Variants in ABLIM1 observed in about 807,000 individuals in gnomAD.
ABLIM1 encodes actin binding LIM protein 1.
A neutral mutation model predicts 107.0 loss-of-function variants in ABLIM1; 40 were observed. That is an observed-to-expected ratio of 0.37 (90% CI 0.29 to 0.49). ABLIM1 has a LOEUF of 0.49. Ranked by LOEUF, ABLIM1 falls within the 20% of genes least tolerant of loss-of-function variation. ABLIM1 has a pLI of 0.97. For synonymous variants in ABLIM1, 357 were observed against 357.3 expected, an observed-to-expected ratio of 1.00 and a Z score of 0.01; for missense variants, 857 against 1,008.5, an observed-to-expected ratio of 0.85 and a Z score of 2.04.
chr10:114,634,346 A>T (rs918439202), intron 1 of ABLIM1, among the ~76,000 whole-genome samples: 10 of 150,234 alleles, frequency 6.7e-5, no homozygotes, highest in Admixed American at 6.0e-4. Flanking sequence ...GTTAGCCAGG[A>T]TGGTCTCGAT....
chr10:114,622,642 TAGAC>T (rs1234992984), intron 1 of ABLIM1, among the ~76,000 whole-genome samples: 1 of 152,010 alleles, frequency 6.6e-6, no homozygotes, highest in Non-Finnish European at 1.5e-5. Context: ...TACTAGAACA[TAGAC>T]AGAATGCAGT....
intron 5 of ABLIM1, among the ~76,000 whole-genome samples, chr10:114,547,194 A>G (rs1440829219): frequency 2.0e-5 from 3 of 150,534 alleles, no homozygotes; most frequent in South Asian, 2.1e-4. Context: ...AACTGTAGCT[A>G]TTATCCACTA....
chr10:114,605,579 T>C (rs1320035123), intron 1 of ABLIM1, among the ~76,000 whole-genome samples: 1 of 152,216 alleles, frequency 6.6e-6, no homozygotes, highest in Non-Finnish European at 1.5e-5. Context: ...GTCAATGATT[T>C]ACCCTGGAAC....
intron 6 of ABLIM1, among the ~76,000 whole-genome samples, chr10:114,513,981 G>A (rs1220201415): frequency 6.6e-6 from 1 of 152,096 alleles, no homozygotes; most frequent in Admixed American, 6.6e-5. Flanking sequence ...TATACTCAAG[G>A]AATAACTGCA....
upstream of ABLIM1, among the ~76,000 whole-genome samples, chr10:114,772,108 A>G (rs2083031565): frequency 6.6e-6 from 1 of 152,102 alleles, no homozygotes; most frequent in South Asian, 2.1e-4. Context: ...GTTTTTAATC[A>G]AATACCTTTA....
At chr10:114,500,985 T>C (rs1032327593) in intron 6 of ABLIM1, among the ~76,000 whole-genome samples, 2 of 152,222 alleles carry the variant, frequency 1.3e-5, no homozygotes, top group Non-Finnish European at 2.9e-5. Flanking sequence ...GAAGGTGTTC[T>C]AGAAGTGTCC....
At chr10:114,476,646 A>AAATAAT (rs141618382) in intron 8 of ABLIM1, among the ~76,000 whole-genome samples, 5,751 of 143,216 alleles carry the variant, frequency 0.04, 353 homozygotes, top group African/African-American at 0.13. Flanking sequence ...CTCTGCCTCA[A>AAATAAT]AATAATAATA....
chr10:114,632,863 C>T (rs774066968), intron 1 of ABLIM1: 22 of 878,562 alleles, frequency 2.5e-5, no homozygotes, highest in Middle Eastern at 1.2e-3. Context: ...CCAGGATCAG[C>T]CTAAGCCTGA....
chr10:114,788,640 A>T, the ABLIM1 span, among the ~76,000 whole-genome samples: 1 of 152,184 alleles, frequency 6.6e-6, no homozygotes, highest in Admixed American at 6.5e-5. Context: ...AGGCAGGAGA[A>T]TCGCTAGAAC....
At chr10:114,481,857 C>CAACAA (rs2057428224) in intron 8 of ABLIM1, among the ~76,000 whole-genome samples, 1 of 152,180 alleles carries the variant, frequency 6.6e-6, no homozygotes, top group Admixed American at 6.5e-5. Context: ...AAACAAAAAT[C>CAACAA]AAACACCACT....
chr10:114,465,766 G>T lies in ABLIM1; in HGVS notation c.1373C>A (p.Ser458Tyr), dbSNP rs2065021109. 6.2e-7 allele frequency: 1 copy of T among 1,613,940 alleles called. No individual in the cohort carries two copies. Among genetic ancestry groups the T allele is most frequent in the South Asian group, 1.1e-5 (1 of 91,078 alleles). The change falls in exon 12 of 23, where the codon TCC becomes TAC. Residue 458 changes from serine to tyrosine, a missense_variant. Ser to Tyr is a moderately radical substitution (Grantham distance 144). This residue lies in a region of ABLIM1 where 381 missense variants were observed against 506.9 expected (regional missense o/e 0.75). Coordinates refer to ENST00000533213, the MANE Select transcript of ABLIM1 (RefSeq NM_002313.7). ...GTAGCTGTGGCGGCTGTACACAGGG[G>T]AGTTGATGGAGCCCTGGCTCGTGGA... Reference protein sequence around the residue: ...HRSTSQGSINSPVYSRHSYTP... With the variant: ...HRSTSQGSINYPVYSRHSYTP...
intron 6 of ABLIM1, among the ~76,000 whole-genome samples, chr10:114,530,643 C>G (rs1003812173): frequency 2.0e-5 from 3 of 152,176 alleles, no homozygotes; most frequent in African/African-American, 2.4e-5. Flanking sequence ...AAGCAATTCT[C>G]GTGCCTCAGC....
At position 114,733,560 on chromosome 10, in the gene ABLIM1, C is replaced by G. The variant is rs993897681; in HGVS notation, c.-213+34501G>C. ...ATTTATTTATGTTCTGAACTGGACC[C>G]TACTGAGATAAATCCTTCAAGATGT... is the stretch of plus-strand genomic sequence containing the variant. On this transcript the variant is annotated intron_variant, in intron 1 of 15. Coordinates refer to the ABLIM1 transcript ENST00000651092. 1.4e-4 allele frequency among the ~76,000 whole-genome samples: 21 copies of G among 152,302 alleles called. No individual in the cohort carries two copies. The East Asian group carries it at 2.1e-3, about 15-fold the overall frequency.
At chr10:114,756,796 A>G (rs2082639900) in intron 1 of ABLIM1, among the ~76,000 whole-genome samples, 1 of 152,174 alleles carries the variant, frequency 6.6e-6, no homozygotes, top group Non-Finnish European at 1.5e-5. Context: ...TGCTTTGTAA[A>G]GTCTTCCTTG....
intron 6 of ABLIM1, among the ~76,000 whole-genome samples, chr10:114,513,929 C>A (rs1438087222): frequency 6.6e-6 from 1 of 152,104 alleles, no homozygotes; most frequent in Non-Finnish European, 1.5e-5. Flanking sequence ...AAAATATCAT[C>A]CAAGCCTGCA....
intron 4 of ABLIM1, among the ~76,000 whole-genome samples, chr10:114,556,097 G>A (rs1316507733): frequency 6.6e-6 from 1 of 152,044 alleles, no homozygotes; most frequent in African/African-American, 2.4e-5. Flanking sequence ...ACAAATTTAA[G>A]TTCTAGGGTT....
Position 114,489,417 on chromosome 10 carries a change from T to C in ABLIM1, c.983-1401A>G, listed in dbSNP as rs1360546290. Among the ~76,000 whole-genome samples the C allele has an allele frequency of 2.0e-5, 3 of 152,250 alleles. No homozygotes were observed. In the East Asian group the frequency reaches 5.8e-4, roughly 29 times the overall value. On this transcript the variant is annotated intron_variant, in intron 7 of 22. Transcript: ENST00000533213. Reference sequence around the variant, plus strand: ...TTCACACCACTGAGCTTAACTAATATCAAATTAATGGCAAGAAAAAATACA... The same window carrying C: ...TTCACACCACTGAGCTTAACTAATACCAAATTAATGGCAAGAAAAAATACA...
At chr10:114,752,207 G>T (rs929492252) in intron 1 of ABLIM1, among the ~76,000 whole-genome samples, 9 of 152,180 alleles carry the variant, frequency 5.9e-5, no homozygotes, top group Admixed American at 1.3e-4. Context: ...GAGGGGACTA[G>T]GGATGGGGAA....
chr10:114,667,853 A>G (rs2080089872), intron 1 of ABLIM1, among the ~76,000 whole-genome samples: 1 of 152,184 alleles, frequency 6.6e-6, no homozygotes, highest in Admixed American at 6.5e-5. Flanking sequence ...TCTAGCATGT[A>G]CCCCAATGCA....
Sources: allele counts gnomAD v4.1 joint callset (sites outside exome capture counted in the v4.1 genomes callset), GRCh38; gene constraint gnomAD v4.1.1; regional missense constraint gnomAD v4.1.1; transcripts MANE v1.5; gene names NCBI Gene and HGNC (gene_info 2026-07-23, HGNC 2026-07-21).